SOX5: variants seen among roughly 807,000 people sequenced by gnomAD.
SOX5 encodes SRY-box transcription factor 5, also known as transcription factor SOX-5.
SOX5 carries 9 observed loss-of-function variants against 92.0 expected under a neutral mutation model. That is an observed-to-expected ratio of 0.10 (90% CI 0.06 to 0.17). SOX5 has a LOEUF of 0.17. SOX5 is among the 10% of genes least tolerant of loss of function. The pLI is 1.00. For synonymous variants in SOX5, 344 were observed against 336.3 expected, an observed-to-expected ratio of 1.02 and a Z score of -0.25; for missense variants, 642 against 944.5, an observed-to-expected ratio of 0.68 and a Z score of 4.20.
At chr12:24,062,114 G>A (rs1473278962) in intron 4 of SOX5, among the ~76,000 whole-genome samples, 2 of 152,118 alleles carry the variant, frequency 1.3e-5, no homozygotes, top group East Asian at 1.9e-4. Context: ...AGGCTTAAGA[G>A]GCAGACTGAC....
At chr12:23,918,113 C>T (rs1171783866) in intron 1 of SOX5, among the ~76,000 whole-genome samples, 1 of 152,098 alleles carries the variant, frequency 6.6e-6, no homozygotes, top group Non-Finnish European at 1.5e-5. Context: ...CATTCTTCCT[C>T]TAAGACAGCA....
At chr12:24,253,849 G>A (rs190994708) in intron 3 of SOX5, among the ~76,000 whole-genome samples, 3 of 152,234 alleles carry the variant, frequency 2.0e-5, no homozygotes, top group East Asian at 1.9e-4. Flanking sequence ...GTCTTAATAA[G>A]GCTTTATAGA....
intron 2 of SOX5, among the ~76,000 whole-genome samples, chr12:24,308,211 A>G (rs2140752769): frequency 6.6e-6 from 1 of 152,284 alleles, no homozygotes; most frequent in African/African-American, 2.4e-5. Flanking sequence ...TCCAGTGAAC[A>G]CACTGCTCCC....
At chr12:23,788,672 C>T (rs2095421143) in intron 3 of SOX5, among the ~76,000 whole-genome samples, 1 of 151,738 alleles carries the variant, frequency 6.6e-6, no homozygotes, top group Non-Finnish European at 1.5e-5. Context: ...TGTAAGTGAG[C>T]TTTTGATAAG....
intron 4 of SOX5, among the ~76,000 whole-genome samples, chr12:24,151,651 T>C (rs902817394): frequency 1.3e-5 from 2 of 152,060 alleles, no homozygotes; most frequent in Non-Finnish European, 2.9e-5. Flanking sequence ...TGTTTGGTGT[T>C]TGAAAGGCAA....
intron 4 of SOX5, among the ~76,000 whole-genome samples, chr12:24,211,900 T>C (rs12317792): frequency 0.015 from 2,221 of 152,332 alleles, 52 homozygotes; most frequent in African/African-American, 0.05. Flanking sequence ...CCAATATTTA[T>C]ATAATTGTTG....
intron 4 of SOX5, among the ~76,000 whole-genome samples, chr12:23,975,187 T>C (rs1039994399): frequency 2.6e-5 from 4 of 152,170 alleles, no homozygotes; most frequent in Admixed American, 6.5e-5. Context: ...TGAAAAAAGA[T>C]TTGCAAACAT....
intron 4 of SOX5, among the ~76,000 whole-genome samples, chr12:24,126,085 C>A (rs538112076): frequency 4.6e-5 from 7 of 152,162 alleles, no homozygotes; most frequent in Non-Finnish European, 7.4e-5. Flanking sequence ...CTCCTCTAGC[C>A]TTCTCTGTAA....
chr12:24,391,505 C>A (rs1042533653), intron 1 of SOX5, among the ~76,000 whole-genome samples: 4 of 152,128 alleles, frequency 2.6e-5, no homozygotes, highest in African/African-American at 7.2e-5. Context: ...AAAACGGTGG[C>A]ACCTAACTAC....
At chr12:24,324,103 T>A (rs59103605) in intron 2 of SOX5, among the ~76,000 whole-genome samples, 1 of 152,148 alleles carries the variant, frequency 6.6e-6, no homozygotes, top group Non-Finnish European at 1.5e-5. Context: ...GAAGAAATAA[T>A]TATGGAATTG....
At chr12:24,266,436 A>G (rs981899712) in intron 3 of SOX5, among the ~76,000 whole-genome samples, 1 of 152,156 alleles carries the variant, frequency 6.6e-6, no homozygotes, top group Non-Finnish European at 1.5e-5. Context: ...CAGTAACACA[A>G]TTGACACAAC....
intron 4 of SOX5, among the ~76,000 whole-genome samples, chr12:24,169,431 A>G (rs1953808264): frequency 6.6e-6 from 1 of 152,224 alleles, no homozygotes; most frequent in African/African-American, 2.4e-5. Flanking sequence ...GTTATATAGT[A>G]AATTCTCACT....
chr12:23,670,021 C>A (rs943757740), intron 6 of SOX5, among the ~76,000 whole-genome samples: 2 of 152,022 alleles, frequency 1.3e-5, no homozygotes, highest in Non-Finnish European at 2.9e-5. Flanking sequence ...TGGGTTCCAA[C>A]AACAGTTCAA....
At chr12:24,416,238 C>T (rs1964995774) in intron 1 of SOX5, among the ~76,000 whole-genome samples, 1 of 152,236 alleles carries the variant, frequency 6.6e-6, no homozygotes, top group South Asian at 2.1e-4. Context: ...AGGTCTTCTG[C>T]ATCCACAGCT....
chr12:24,435,339 A>C (rs1364150101), intron 1 of SOX5, among the ~76,000 whole-genome samples: 1 of 152,176 alleles, frequency 6.6e-6, no homozygotes, highest in Non-Finnish European at 1.5e-5. Context: ...CACTCTCTAC[A>C]CTTCTGCACT....
At chr12:24,136,956 C>T (rs1292479649) in intron 4 of SOX5, among the ~76,000 whole-genome samples, 5 of 152,114 alleles carry the variant, frequency 3.3e-5, no homozygotes, top group African/African-American at 4.8e-5. Flanking sequence ...CTGTTCTCAC[C>T]CAAAATCTCA....
intron 6 of SOX5, among the ~76,000 whole-genome samples, chr12:23,697,669 G>A (rs2090066370): frequency 6.6e-6 from 1 of 152,102 alleles, no homozygotes; most frequent in Non-Finnish European, 1.5e-5. Context: ...TCATGCCTCA[G>A]CCTCACGAGC....
chr12:24,015,115 T>TCTCTCC lies in SOX5; in HGVS notation c.-1-119097_-1-119092dup, dbSNP rs1218073948. The stretch of plus-strand genomic sequence containing the variant: ...TTCTGTCTCTCTCTCTCTCTTTCTC[T>TCTCTCC]CTCTCCCTTTTTTCCCCCTCTAAAC... On this transcript the variant is annotated intron_variant, in intron 4 of 4. Transcript: ENST00000446891. Among the ~76,000 whole-genome samples the TCTCTCC allele has an allele frequency of 2.0e-3, 297 of 152,102 alleles. 3 individuals are homozygous for TCTCTCC. The highest frequency in any genetic ancestry group is 6.9e-3 in the African/African-American group (287 of 41,480).
chr12:23,718,695 A>G (rs936609597), intron 6 of SOX5, among the ~76,000 whole-genome samples: 1 of 152,224 alleles, frequency 6.6e-6, no homozygotes, highest in Non-Finnish European at 1.5e-5. Flanking sequence ...TTTAATTTGA[A>G]AAGTTTTGTT....
Sources: allele counts gnomAD v4.1 joint callset (sites outside exome capture counted in the v4.1 genomes callset), GRCh38; gene constraint gnomAD v4.1.1; transcripts MANE v1.5; gene names NCBI Gene and HGNC (gene_info 2026-07-23, HGNC 2026-07-21).